Variants in SYT1 observed in about 807,000 individuals in gnomAD.
The protein encoded by SYT1 is synaptotagmin-1.
In SYT1, 8 loss-of-function variants were observed where a neutral mutation model predicts 44.8. The observed-to-expected ratio is 0.18, with a 90% CI of 0.10 to 0.32. SYT1 has a LOEUF of 0.32. SYT1 is among the 10% of genes least tolerant of loss of function. The probability of loss-of-function intolerance (pLI) is 1.00; values close to 1 mark genes in which losing one functional copy is unlikely to be tolerated. For synonymous variants in SYT1, 154 were observed against 188.8 expected (o/e 0.82, Z 1.51); for missense variants, 286 against 509.3 (o/e 0.56, Z 4.22).
At chr12:79,019,414 T>C (rs1467050621) in intron 2 of SYT1, among the ~76,000 whole-genome samples, 1 of 151,914 alleles carries the variant, frequency 6.6e-6, no homozygotes, top group Non-Finnish European at 1.5e-5. Flanking sequence ...GCAAAACCTA[T>C]AGATGATATA....
At chr12:78,963,391 T>C (rs2137351454) in intron 1 of SYT1, among the ~76,000 whole-genome samples, 1 of 152,090 alleles carries the variant, frequency 6.6e-6, no homozygotes. Flanking sequence ...ACCTACAGAA[T>C]GGGAGAAAAT....
At chr12:79,341,429 GA>G (rs1882369182) in intron 8 of SYT1, 3 of 151,644 alleles carry the variant, frequency 2.0e-5, no homozygotes, top group African/African-American at 4.8e-5. Context: ...ACATAGAAAA[GA>G]AAAAAAATCA....
At chr12:79,060,340 A>G (rs1875287985) in intron 3 of SYT1, among the ~76,000 whole-genome samples, 1 of 151,898 alleles carries the variant, frequency 6.6e-6, no homozygotes, top group South Asian at 2.1e-4. Flanking sequence ...CAAATTTACC[A>G]TTTTAACCAT....
rs113981414 is a variant in SYT1, at chr12:79,372,433, A to G, written c.928+18814A>G. Among the ~76,000 whole-genome samples, 69 of 152,326 alleles carry G rather than the reference A, an allele frequency of 4.5e-4. 1 individual carries two copies. Among genetic ancestry groups the G allele is most frequent in the African/African-American group, 1.5e-3 (62 of 41,574 alleles). ...ATAATTTGTAGAAAAATTGATTAGC[A>G]CAGCCTAGCTATGTTGTTGTGTGAT... On this transcript the variant is annotated intron_variant, in intron 9 of 10. Transcript: ENST00000261205.
intron 9 of SYT1, among the ~76,000 whole-genome samples, chr12:79,395,192 C>T (rs373820504): frequency 5.9e-5 from 9 of 152,154 alleles, no homozygotes; most frequent in Admixed American, 3.9e-4. Context: ...GAATTCATTA[C>T]AGAGATCAAC....
At chr12:79,329,158 G>C (rs999428829) in intron 8 of SYT1, among the ~76,000 whole-genome samples, 1 of 152,144 alleles carries the variant, frequency 6.6e-6, no homozygotes. Context: ...AGATTCAGTG[G>C]ACTTCAGCTC....
At chr12:79,399,106 A>G (rs1471164890) in intron 9 of SYT1, among the ~76,000 whole-genome samples, 3 of 152,192 alleles carry the variant, frequency 2.0e-5, no homozygotes, top group African/African-American at 7.2e-5. Context: ...TTGAAATGCT[A>G]CAATTTTAGA....
intron 3 of SYT1, among the ~76,000 whole-genome samples, chr12:79,062,410 G>A (rs1235486746): frequency 6.6e-6 from 1 of 152,146 alleles, no homozygotes. Flanking sequence ...AAGCCTAGAA[G>A]GTTCCCCACT....
intron 3 of SYT1, among the ~76,000 whole-genome samples, chr12:79,136,605 A>C (rs1463715265): frequency 6.6e-6 from 1 of 152,194 alleles, no homozygotes; most frequent in African/African-American, 2.4e-5. Context: ...ACGACATTGT[A>C]ATTATTAATA....
At chr12:78,874,809 G>T (rs752298021) in intron 1 of SYT1, among the ~76,000 whole-genome samples, 1 of 151,510 alleles carries the variant, frequency 6.6e-6, no homozygotes, top group Non-Finnish European at 1.5e-5. Flanking sequence ...TTAACGACTG[G>T]TATGATTATA....
intron 3 of SYT1, among the ~76,000 whole-genome samples, chr12:79,113,939 C>T (rs1294556189): frequency 6.6e-6 from 1 of 152,094 alleles, no homozygotes; most frequent in East Asian, 1.9e-4. Flanking sequence ...TCTCTGCTGC[C>T]TCCATCCGTT....
At chr12:79,212,505 A>AG (rs1446342910) in intron 3 of SYT1, among the ~76,000 whole-genome samples, 1 of 151,958 alleles carries the variant, frequency 6.6e-6, no homozygotes, top group Admixed American at 6.6e-5. Context: ...AATGAAAAAA[A>AG]AAAAAAGAAA....
chr12:78,910,856 T>A (rs1205014513), intron 1 of SYT1, among the ~76,000 whole-genome samples: 1 of 151,924 alleles, frequency 6.6e-6, no homozygotes, highest in East Asian at 1.9e-4. Context: ...CTAGATAATG[T>A]GCATGGGAAA....
At chr12:79,239,563 T>C (rs1022564974) in intron 4 of SYT1, among the ~76,000 whole-genome samples, 1 of 152,246 alleles carries the variant, frequency 6.6e-6, no homozygotes, top group Non-Finnish European at 1.5e-5. Flanking sequence ...GAGAAATCTC[T>C]GTACAGTCTT....
At chr12:79,246,855 T>C (rs1454170852) in intron 4 of SYT1, among the ~76,000 whole-genome samples, 1 of 152,240 alleles carries the variant, frequency 6.6e-6, no homozygotes, top group African/African-American at 2.4e-5. Context: ...TCAATTATTA[T>C]GATTTTCTGG....
intron 8 of SYT1, among the ~76,000 whole-genome samples, chr12:79,315,120 T>G (rs73352906): frequency 0.011 from 1,613 of 152,314 alleles, 31 homozygotes; most frequent in African/African-American, 0.037. Context: ...ACACTTTAAA[T>G]GGGTGAATTT....
chr12:79,412,874 C>A (rs1475853579), intron 9 of SYT1, among the ~76,000 whole-genome samples: 3 of 152,204 alleles, frequency 2.0e-5, no homozygotes, highest in East Asian at 1.9e-4. Flanking sequence ...TTTTTAAATT[C>A]TTTACCGATT....
intron 8 of SYT1, among the ~76,000 whole-genome samples, chr12:79,336,400 G>A (rs564935154): frequency 1.5e-4 from 23 of 152,142 alleles, no homozygotes; most frequent in African/African-American, 5.3e-4. Context: ...AGACAAATTG[G>A]CACTTTTTCC....
chr12:79,285,313 T>A (rs540509217), intron 4 of SYT1, among the ~76,000 whole-genome samples: 76 of 152,368 alleles, frequency 5.0e-4, no homozygotes, highest in African/African-American at 1.8e-3. Flanking sequence ...TTTTGCCATG[T>A]GCCAGGCACT....
Sources: allele counts gnomAD v4.1 joint callset (sites outside exome capture counted in the v4.1 genomes callset), GRCh38; gene constraint gnomAD v4.1.1; transcripts MANE v1.5; gene names NCBI Gene and HGNC (gene_info 2026-07-23, HGNC 2026-07-21).